KIAA1217: variants seen among roughly 807,000 people sequenced by gnomAD.
KIAA1217 encodes sickle tail protein homolog.
A neutral mutation model predicts 163.9 loss-of-function variants in KIAA1217; 88 were observed. The ratio of observed to expected loss-of-function variants is 0.54; its 90% confidence interval spans 0.45 to 0.64. The LOEUF (loss-of-function observed/expected upper bound fraction) is 0.64. Ranked by LOEUF, KIAA1217 falls within the 30% of genes least tolerant of loss-of-function variation. The pLI is 0.00. For missense variants in KIAA1217, 2,372 were observed against 2,475.0 expected (o/e 0.96, Z 0.88); for synonymous variants, 903 against 923.1 (o/e 0.98, Z 0.39).
At chr10:23,728,180 A>C (rs1838276658) in intron 1 of KIAA1217, among the ~76,000 whole-genome samples, 1 of 152,248 alleles carries the variant, frequency 6.6e-6, no homozygotes, top group Non-Finnish European at 1.5e-5. Flanking sequence ...GTATATACCC[A>C]GTAATGGGAT....
At chr10:23,763,510 G>T (rs971756838) in intron 1 of KIAA1217, among the ~76,000 whole-genome samples, 3 of 151,900 alleles carry the variant, frequency 2.0e-5, no homozygotes. Context: ...CAAGCATGGG[G>T]GAAGGTAAAT....
chr10:24,284,477 T>C (rs1375179899), intron 2 of KIAA1217, among the ~76,000 whole-genome samples: 3 of 152,204 alleles, frequency 2.0e-5, no homozygotes, highest in Admixed American at 1.3e-4. Context: ...GAACATATGA[T>C]ATCTGATTTT....
rs143332825 is a variant in KIAA1217, at chr10:23,767,312, T to G, written c.-321+72078T>G. Among the ~76,000 whole-genome samples the G allele has an allele frequency of 4.4e-3, 668 of 152,306 alleles. 2 individuals carry two copies. The highest frequency in any genetic ancestry group is 6.8e-3 in the Non-Finnish European group (465 of 68,008). Reference sequence around the variant, plus strand: ...CAAAGGAGAATGATGTGATCAGCTATGCATGTAGATATCAATGTGGAGAAA... The same window carrying G: ...CAAAGGAGAATGATGTGATCAGCTAGGCATGTAGATATCAATGTGGAGAAA... On this transcript the variant is annotated intron_variant, in intron 1 of 18. Coordinates refer to the KIAA1217 transcript ENST00000376462.
intron 2 of KIAA1217, among the ~76,000 whole-genome samples, chr10:24,187,991 A>G (rs1354499698): frequency 3.9e-5 from 6 of 152,184 alleles, no homozygotes; most frequent in African/African-American, 9.7e-5. Flanking sequence ...TGAGGTCAGG[A>G]GTTCGAGACC....
intron 2 of KIAA1217, among the ~76,000 whole-genome samples, chr10:24,184,951 T>G (rs184389064): frequency 6.6e-6 from 1 of 152,202 alleles, no homozygotes; most frequent in Non-Finnish European, 1.5e-5. Context: ...GTATGGTATC[T>G]AATATAGGTA....
chr10:23,779,645 G>A (rs2130899326), intron 1 of KIAA1217, among the ~76,000 whole-genome samples: 1 of 152,204 alleles, frequency 6.6e-6, no homozygotes, highest in Non-Finnish European at 1.5e-5. Flanking sequence ...TATTAATATT[G>A]TAATACATCC....
intron 2 of KIAA1217, among the ~76,000 whole-genome samples, chr10:24,309,469 G>A (rs1171217059): frequency 6.6e-6 from 1 of 152,110 alleles, no homozygotes; most frequent in Non-Finnish European, 1.5e-5. Flanking sequence ...GTAAAGACCT[G>A]CAATGAAGTG....
chr10:24,181,260 G>A (rs1429316387), intron 2 of KIAA1217, among the ~76,000 whole-genome samples: 1 of 152,210 alleles, frequency 6.6e-6, no homozygotes, highest in East Asian at 1.9e-4. Flanking sequence ...GGCAAGTGCA[G>A]GTATCAGGGA....
intron 3 of KIAA1217, among the ~76,000 whole-genome samples, chr10:24,390,202 C>T (rs984539358): frequency 1.3e-5 from 2 of 152,048 alleles, no homozygotes; most frequent in African/African-American, 4.8e-5. Flanking sequence ...TGTAGTGCTG[C>T]CTGTTCTGTG....
chr10:24,159,546 G>A (rs1037193839), intron 2 of KIAA1217, among the ~76,000 whole-genome samples: 3 of 152,046 alleles, frequency 2.0e-5, no homozygotes, highest in African/African-American at 4.8e-5. Context: ...TTGGGAGGCC[G>A]AGGCGGGCGG....
At chr10:23,789,951 GTATATATACACATATACATATACATA>G (rs1292761557) in intron 1 of KIAA1217, among the ~76,000 whole-genome samples, 2 of 111,506 alleles carry the variant, frequency 1.8e-5, no homozygotes, top group Admixed American at 8.9e-5. Flanking sequence ...ACATATACAT[GTATATATACACATATACATATACATA>G]TATACACATA....
At chr10:23,951,940 T>C (rs1844354554) in intron 1 of KIAA1217, among the ~76,000 whole-genome samples, 1 of 152,200 alleles carries the variant, frequency 6.6e-6, no homozygotes, top group Non-Finnish European at 1.5e-5. Context: ...ATACATGAAG[T>C]TGTATTCACT....
At chr10:24,071,054 A>G (rs143584616) in intron 2 of KIAA1217, among the ~76,000 whole-genome samples, 75 of 152,290 alleles carry the variant, frequency 4.9e-4, no homozygotes, top group African/African-American at 1.8e-3. Context: ...AGCATACCTA[A>G]TGAGACCAAT....
chr10:24,308,155 C>G (rs1265815300), intron 2 of KIAA1217, among the ~76,000 whole-genome samples: 3 of 152,226 alleles, frequency 2.0e-5, no homozygotes, highest in East Asian at 3.9e-4. Flanking sequence ...GTGGAAGGAG[C>G]CTTGCTTTGG....
chr10:23,714,838 G>T (rs1022467731), intron 1 of KIAA1217, among the ~76,000 whole-genome samples: 2 of 152,052 alleles, frequency 1.3e-5, no homozygotes, highest in African/African-American at 2.4e-5. Flanking sequence ...ATGGTCTTGG[G>T]CAGTCATAAG....
intron 2 of KIAA1217, among the ~76,000 whole-genome samples, chr10:24,073,065 A>C (rs1432505234): frequency 6.6e-6 from 1 of 151,918 alleles, no homozygotes; most frequent in Admixed American, 6.6e-5. Context: ...TCTTGAAAAA[A>C]AAAAAAAAGA....
chr10:24,237,350 C>T (rs1047980229), intron 2 of KIAA1217, among the ~76,000 whole-genome samples: 1 of 152,186 alleles, frequency 6.6e-6, no homozygotes, highest in African/African-American at 2.4e-5. Flanking sequence ...ATGCTGGTTA[C>T]AAATTTTTCT....
chr10:24,230,666 C>T (rs2071280287), intron 2 of KIAA1217, among the ~76,000 whole-genome samples: 2 of 151,964 alleles, frequency 1.3e-5, no homozygotes, highest in Non-Finnish European at 2.9e-5. Context: ...TGCCTGCAAC[C>T]ACTCCTGGCT....
Position 23,876,618 on chromosome 10 carries a change from A to G in KIAA1217, c.-320-130607A>G, listed in dbSNP as rs146901720. Among the ~76,000 whole-genome samples, 109 of 152,098 alleles carry G rather than the reference A, an allele frequency of 7.2e-4. No homozygotes were observed. The East Asian group carries it at 0.019, about 26-fold the overall frequency. ...ACTGGGATGGCACTCTTCCAGAAAC[A>G]TGGGCCATACACACATCTTCTACAA... On this transcript the variant is annotated intron_variant, in intron 1 of 18. Transcript: ENST00000376462.
Sources: allele counts gnomAD v4.1 joint callset (sites outside exome capture counted in the v4.1 genomes callset), GRCh38; gene constraint gnomAD v4.1.1; transcripts MANE v1.5; gene names NCBI Gene and HGNC (gene_info 2026-07-23, HGNC 2026-07-21).